TMEM178B: variants seen among roughly 807,000 people sequenced by gnomAD.
The protein encoded by TMEM178B is transmembrane protein 178B.
In TMEM178B, 5 loss-of-function variants were observed where a neutral mutation model predicts 31.0. That is an observed-to-expected ratio of 0.16 (90% CI 0.08 to 0.34). The LOEUF (loss-of-function observed/expected upper bound fraction) is 0.34. TMEM178B is among the 10% of genes least tolerant of loss of function. The probability of loss-of-function intolerance (pLI) is 1.00; values close to 1 mark genes in which losing one functional copy is unlikely to be tolerated. For missense variants in TMEM178B, 275 were observed against 400.3 expected, an observed-to-expected ratio of 0.69 and a Z score of 2.67; for synonymous variants, 164 against 164.0, an observed-to-expected ratio of 1.00 and a Z score of 0.00.
At chr7:141,167,781 G>C (rs1284474706) in intron 1 of TMEM178B, among the ~76,000 whole-genome samples, 5 of 152,176 alleles carry the variant, frequency 3.3e-5, no homozygotes, top group African/African-American at 1.2e-4. Flanking sequence ...GGACAGGGCC[G>C]GTGTGCCCTG....
intron 2 of TMEM178B, among the ~76,000 whole-genome samples, chr7:141,384,648 G>A (rs910981822): frequency 3.9e-5 from 6 of 152,310 alleles, no homozygotes; most frequent in Admixed American, 2.0e-4. Flanking sequence ...GTCAGGTAGC[G>A]TGATGCCTCC....
At chr7:141,233,883 A>G (rs543725959) in intron 2 of TMEM178B, among the ~76,000 whole-genome samples, 4 of 152,238 alleles carry the variant, frequency 2.6e-5, no homozygotes, top group Non-Finnish European at 5.9e-5. Flanking sequence ...GACCACCAGC[A>G]TCAGAATTAC....
chr7:141,462,675 G>C (rs1802079682), intron 3 of TMEM178B, among the ~76,000 whole-genome samples: 1 of 152,108 alleles, frequency 6.6e-6, no homozygotes, highest in South Asian at 2.1e-4. Context: ...ATATTAATGA[G>C]GGATGGCAGC....
At chr7:141,335,361 T>A (rs1799366390) in intron 2 of TMEM178B, among the ~76,000 whole-genome samples, 1 of 152,200 alleles carries the variant, frequency 6.6e-6, no homozygotes. Context: ...CTCTTCTGCC[T>A]CAGCACTTGG....
chr7:141,136,003 A>C (rs1042869129), intron 1 of TMEM178B, among the ~76,000 whole-genome samples: 1 of 152,116 alleles, frequency 6.6e-6, no homozygotes, highest in African/African-American at 2.4e-5. Flanking sequence ...CATATAAATA[A>C]AATCAGAAAT....
chr7:141,310,505 C>T (rs1420409389), intron 2 of TMEM178B, among the ~76,000 whole-genome samples: 1 of 152,140 alleles, frequency 6.6e-6, no homozygotes, highest in Non-Finnish European at 1.5e-5. Flanking sequence ...GTTTGCTGCA[C>T]CTATCAACCC....
chr7:141,368,409 G>A (rs976699438), intron 2 of TMEM178B, among the ~76,000 whole-genome samples: 1 of 152,180 alleles, frequency 6.6e-6, no homozygotes, highest in African/African-American at 2.4e-5. Context: ...TGAGCTGTAA[G>A]GTATAAAGTG....
chr7:141,161,071 G>A (rs575435354), intron 1 of TMEM178B, among the ~76,000 whole-genome samples: 1 of 152,044 alleles, frequency 6.6e-6, no homozygotes, highest in Non-Finnish European at 1.5e-5. Context: ...TGGTCAGGCT[G>A]GTCTTGAACT....
At chr7:141,311,215 G>A (rs761587157) in intron 2 of TMEM178B, among the ~76,000 whole-genome samples, 2 of 152,166 alleles carry the variant, frequency 1.3e-5, no homozygotes, top group African/African-American at 2.4e-5. Flanking sequence ...CCTAGGCGAT[G>A]GGTTGATGGG....
At chr7:141,417,849 GT>G (rs921925057) in intron 2 of TMEM178B, among the ~76,000 whole-genome samples, 1 of 152,168 alleles carries the variant, frequency 6.6e-6, no homozygotes, top group African/African-American at 2.4e-5. Flanking sequence ...TGTGAGATAG[GT>G]ACTATTATTA....
intron 2 of TMEM178B, among the ~76,000 whole-genome samples, chr7:141,346,173 A>T (rs1799616841): frequency 6.6e-6 from 1 of 152,092 alleles, no homozygotes; most frequent in Non-Finnish European, 1.5e-5. Flanking sequence ...GTGAGCCAAG[A>T]TCATGCCACT....
chr7:141,400,134 G>A (rs1800733681), intron 2 of TMEM178B, among the ~76,000 whole-genome samples: 1 of 152,150 alleles, frequency 6.6e-6, no homozygotes, highest in South Asian at 2.1e-4. Flanking sequence ...TCACTGCAGG[G>A]ATTCTTCTAG....
intron 2 of TMEM178B, among the ~76,000 whole-genome samples, chr7:141,433,494 C>G (rs533231615): frequency 1.5e-4 from 23 of 152,298 alleles, no homozygotes; most frequent in Middle Eastern, 6.8e-3. Flanking sequence ...TTTCTATTTT[C>G]CCCATCCTTG....
intron 2 of TMEM178B, among the ~76,000 whole-genome samples, chr7:141,426,965 G>A (rs1387715970): frequency 1.3e-5 from 2 of 152,052 alleles, no homozygotes; most frequent in Non-Finnish European, 1.5e-5. Context: ...CAGTATAGTA[G>A]CTGCAAAAAA....
At chr7:141,116,805 T>C (rs1286766570) in intron 1 of TMEM178B, among the ~76,000 whole-genome samples, 1 of 152,176 alleles carries the variant, frequency 6.6e-6, no homozygotes, top group Admixed American at 6.5e-5. Flanking sequence ...CTGAGAATGA[T>C]GGTTTCCAGC....
chr7:141,094,995 T>C (rs1444677250), intron 1 of TMEM178B, among the ~76,000 whole-genome samples: 2 of 152,212 alleles, frequency 1.3e-5, no homozygotes, highest in East Asian at 1.9e-4. Context: ...ACAACAAGTA[T>C]TTTCTACATT....
chr7:141,350,737 G>A (rs375655228), intron 2 of TMEM178B, among the ~76,000 whole-genome samples: 4 of 152,052 alleles, frequency 2.6e-5, no homozygotes, highest in Non-Finnish European at 5.9e-5. Context: ...TGCATCAAAT[G>A]GTCATATATA....
At chr7:141,216,492 G>A (rs1305795615) in intron 2 of TMEM178B, among the ~76,000 whole-genome samples, 1 of 146,528 alleles carries the variant, frequency 6.8e-6, no homozygotes, top group Non-Finnish European at 1.5e-5. Flanking sequence ...TGGTGGGGAA[G>A]AAGGGTGATC....
chr7:141,243,366 T>C lies in TMEM178B; in HGVS notation c.496+30662T>C, dbSNP rs551426046. Among the ~76,000 whole-genome samples the C allele has an allele frequency of 4.0e-4, 61 of 152,232 alleles. 1 individual carries two copies. The highest frequency in any genetic ancestry group is 1.4e-3 in the African/African-American group (60 of 41,546). On this transcript the variant is annotated intron_variant, in intron 2 of 3. Transcript: ENST00000565468. ...TGACACTGAAGTCTCTCAGCACTTC[T>C]GTCTTTGTAAGGGGTGGAGCGCGGT...
Sources: gnomAD v4.1 joint callset for allele counts (sites outside exome capture counted in the v4.1 genomes callset) on GRCh38, gnomAD v4.1.1 for gene constraint, MANE v1.5 for transcripts, NCBI Gene and HGNC (gene_info 2026-07-23, HGNC 2026-07-21) for gene names.